The following KDM4C variants were observed in gnomAD, a reference collection of about 807,000 sequenced individuals.
The protein encoded by KDM4C is lysine demethylase 4C.
Under a neutral mutation model 129.3 loss-of-function variants are expected in KDM4C, and 81 were observed. The ratio of observed to expected loss-of-function variants is 0.63; its 90% CI spans 0.52 to 0.75. KDM4C has a LOEUF of 0.75. Ranked by LOEUF, KDM4C falls within the 30% of genes least tolerant of loss-of-function variation. KDM4C has a pLI of 0.00. For missense variants in KDM4C, 1,457 were observed against 1,304.0 expected (o/e 1.12, Z -1.81); for synonymous variants, 573 against 456.1 (o/e 1.26, Z -3.26).
chr9:6,916,965 A>T (rs568560619), intron 8 of KDM4C, among the ~76,000 whole-genome samples: 1 of 152,350 alleles, frequency 6.6e-6, no homozygotes, highest in East Asian at 1.9e-4. Flanking sequence ...GGGAAATGAT[A>T]CAAAGTTGAA....
At chr9:6,762,877 T>A (rs1304043057) in intron 1 of KDM4C, among the ~76,000 whole-genome samples, 2 of 152,006 alleles carry the variant, frequency 1.3e-5, no homozygotes, top group Non-Finnish European at 2.9e-5. Context: ...CAGGCTGGGC[T>A]CGAATTCTTG....
chr9:6,939,936 C>T (rs1825543586), intron 8 of KDM4C, among the ~76,000 whole-genome samples: 1 of 140,298 alleles, frequency 7.1e-6, no homozygotes, highest in Non-Finnish European at 1.6e-5. Flanking sequence ...ACTTTTACCC[C>T]ATGTGCTTTA....
At position 6,722,929 on chromosome 9, in the gene KDM4C, G is replaced by A. The variant is rs923310584; in HGVS notation, c.49+1932G>A. ...GCCCAGGAGGTTGAGGTTGCAGTGA[G>A]TCGAAATCGCACGACTGCACTCTAG... On this transcript the variant is annotated intron_variant, in intron 1 of 17. Transcript: ENST00000536108. Among the ~76,000 whole-genome samples, 8 of 152,090 alleles carry A rather than the reference G, an allele frequency of 5.3e-5. No individual in the cohort carries two copies. In the East Asian group the frequency reaches 1.4e-3, roughly 26 times the overall value.
chr9:6,768,248 A>G (rs923138974), intron 1 of KDM4C, among the ~76,000 whole-genome samples: 3 of 152,096 alleles, frequency 2.0e-5, no homozygotes, highest in Non-Finnish European at 4.4e-5. Flanking sequence ...CTTTCTAGAA[A>G]ATCTCGGTCC....
intron 4 of KDM4C, among the ~76,000 whole-genome samples, chr9:6,835,750 G>A (rs770683593): frequency 6.6e-6 from 1 of 152,224 alleles, no homozygotes; most frequent in Non-Finnish European, 1.5e-5. Flanking sequence ...ACAGCAGTCG[G>A]TTGGAGTGAA....
chr9:6,829,857 C>G (rs1834519371), intron 4 of KDM4C, among the ~76,000 whole-genome samples: 1 of 152,142 alleles, frequency 6.6e-6, no homozygotes, highest in Non-Finnish European at 1.5e-5. Context: ...TGCTGTTTTC[C>G]ATTTCACAAA....
At chr9:7,097,801 A>G (rs1587623747) in intron 17 of KDM4C, among the ~76,000 whole-genome samples, 1 of 152,256 alleles carries the variant, frequency 6.6e-6, no homozygotes, top group African/African-American at 2.4e-5. Flanking sequence ...CAAGGATTGT[A>G]TATCTTTTTC....
chr9:6,762,353 G>C (rs894437449), intron 1 of KDM4C, among the ~76,000 whole-genome samples: 1 of 141,632 alleles, frequency 7.1e-6, no homozygotes, highest in South Asian at 2.2e-4. Context: ...ATTTCTGTTT[G>C]TAGAGATGGG....
chr9:6,879,638 C>T lies in KDM4C; in HGVS notation c.630-374C>T, dbSNP rs189616271. 4.8e-3 allele frequency among the ~76,000 whole-genome samples: 733 copies of T among 152,172 alleles called. 7 individuals carry two copies. The highest frequency in any genetic ancestry group is 0.017 in the African/African-American group (689 of 41,530). On this transcript the variant is annotated intron_variant, in intron 5 of 21. Coordinates refer to ENST00000381309, the MANE Select transcript of KDM4C (RefSeq NM_015061.6). ...AAGCCAAAATCAACCAACCACAAAA[C>T]GAAAAACATACAACCAAAACAACCC...
At chr9:6,756,166 T>C (rs755112654), upstream of KDM4C, among the ~76,000 whole-genome samples, 19 of 152,222 alleles carry the variant, frequency 1.2e-4, no homozygotes, top group Non-Finnish European at 2.5e-4. Flanking sequence ...GACATATTTC[T>C]TAACCGCTAT....
intron 5 of KDM4C, among the ~76,000 whole-genome samples, chr9:6,862,732 G>A (rs2130485519): frequency 6.6e-6 from 1 of 152,216 alleles, no homozygotes; most frequent in Admixed American, 6.5e-5. Flanking sequence ...GCTTGATCCC[G>A]GGAGGAGGAG....
At chr9:6,873,141 C>T (rs967418553) in intron 5 of KDM4C, among the ~76,000 whole-genome samples, 1 of 152,154 alleles carries the variant, frequency 6.6e-6, no homozygotes, top group African/African-American at 2.4e-5. Flanking sequence ...AGATTATAGG[C>T]ATGCACCACC....
chr9:6,953,575 A>G (rs1373492154), intron 8 of KDM4C, among the ~76,000 whole-genome samples: 2 of 152,192 alleles, frequency 1.3e-5, no homozygotes, highest in Non-Finnish European at 2.9e-5. Context: ...TTTGAAAATA[A>G]TGTGTATTTA....
intron 18 of KDM4C, among the ~76,000 whole-genome samples, chr9:7,123,117 G>A (rs1839677358): frequency 6.6e-6 from 1 of 152,112 alleles, no homozygotes; most frequent in African/African-American, 2.4e-5. Context: ...CATGCCTGAA[G>A]TTTCTGAGAA....
chr9:6,902,456 G>T (rs1280786199), intron 8 of KDM4C, among the ~76,000 whole-genome samples: 2 of 152,182 alleles, frequency 1.3e-5, no homozygotes, highest in Non-Finnish European at 2.9e-5. Context: ...TGTTGGAATT[G>T]TCGTTCTGTG....
intron 4 of KDM4C, among the ~76,000 whole-genome samples, chr9:6,837,327 G>C (rs1174356728): frequency 2.0e-5 from 3 of 152,162 alleles, no homozygotes; most frequent in Non-Finnish European, 4.4e-5. Context: ...AAAGTATTAC[G>C]ATTACAGGCG....
chr9:7,031,500 A>G (rs1307955104), intron 15 of KDM4C, among the ~76,000 whole-genome samples: 2 of 152,120 alleles, frequency 1.3e-5, no homozygotes, highest in East Asian at 3.8e-4. Flanking sequence ...GATATAAGCA[A>G]ACTATATCTT....
chr9:6,864,875 C>G (rs1841638974), intron 5 of KDM4C, among the ~76,000 whole-genome samples: 1 of 151,102 alleles, frequency 6.6e-6, no homozygotes, highest in African/African-American at 2.4e-5. Context: ...CTTACTGTTT[C>G]TTTCCTCTGC....
intron 1 of KDM4C, among the ~76,000 whole-genome samples, chr9:6,721,708 C>T (rs1040777968): frequency 1.3e-5 from 2 of 151,868 alleles, no homozygotes; most frequent in East Asian, 1.9e-4. Context: ...CCTGCCTCAG[C>T]CTCCTGAGTA....
Sources: allele counts gnomAD v4.1 joint callset (sites outside exome capture counted in the v4.1 genomes callset), GRCh38; gene constraint gnomAD v4.1.1; transcripts MANE v1.5; gene names NCBI Gene and HGNC (gene_info 2026-07-23, HGNC 2026-07-21).